The following ZNF285 variants were observed in gnomAD, a reference collection of about 807,000 sequenced individuals.
ZNF285 encodes the protein zinc finger protein 285.
A neutral mutation model predicts 6.2 loss-of-function variants in ZNF285; 4 were observed. The ratio of observed to expected loss-of-function variants is 0.65; its 90% CI spans 0.32 to 1.49. ZNF285 has a LOEUF of 1.49. ZNF285 is among the 40% of genes most tolerant of loss of function. The pLI is 0.07. For missense variants in ZNF285, 695 were observed against 708.8 expected, an observed-to-expected ratio of 0.98 and a Z score of 0.22; for synonymous variants, 240 against 245.8, an observed-to-expected ratio of 0.98 and a Z score of 0.22.
chr19:44,384,998 T>A lies in ZNF285; in HGVS notation c.*1474A>T. The A allele has an allele frequency of 1.3e-5, 1 of 79,104 alleles. No individual in the cohort carries two copies. Among genetic ancestry groups the A allele is most frequent in the South Asian group, 4.0e-4 (1 of 2,492 alleles). The allele number at this position is 79,104 out of a possible 1,614,324, so 4.9% of individuals were successfully genotyped here. A position where few individuals can be genotyped will look rare whatever the true frequency, so the allele number is the denominator to read the frequency against. Reference sequence around the variant, plus strand: ...CTGGGTGACACAGCAAGACCCTGTTTCCAAAAAAAAAAAAAAAAAAAAAAA... The same window carrying A: ...CTGGGTGACACAGCAAGACCCTGTTACCAAAAAAAAAAAAAAAAAAAAAAA... On this transcript the variant is annotated 3_prime_UTR_variant, in exon 4 of 4. Transcript: ENST00000614994.
At chr19:44,396,457 G>A (rs1417612916) in intron 2 of ZNF285, among the ~76,000 whole-genome samples, 1 of 152,180 alleles carries the variant, frequency 6.6e-6, no homozygotes, top group Non-Finnish European at 1.5e-5. Flanking sequence ...GTATTGCTAT[G>A]AAGATAATTT....
chr19:44,401,511 C>T (rs1371775856), intron 1 of ZNF285, 57 bp downstream of exon 1: 1 of 152,522 alleles, frequency 6.6e-6, no homozygotes, highest in East Asian at 1.9e-4. Context: ...GCTGCACATC[C>T]TACACTCCTA....
At chr19:44,396,593 G>A (rs1158737080) in intron 2 of ZNF285, 1 of 152,558 alleles carries the variant, frequency 6.6e-6, no homozygotes, top group African/African-American at 2.4e-5. Flanking sequence ...GGGAGGGGGA[G>A]AAATTCCACC....
In ZNF285 at chr19:44,399,288, G is replaced by T. The variant is rs531356200; in HGVS notation, c.-43-2032C>A. Reference sequence around the variant, plus strand: ...GCTCCAACAAAGGCCAAAATAAGGAGGGTTCAACTCATTAGTACAGCATGA... The same window carrying T: ...GCTCCAACAAAGGCCAAAATAAGGATGGTTCAACTCATTAGTACAGCATGA... On this transcript the variant is annotated intron_variant, in intron 1 of 3. Coordinates refer to ENST00000614994, the MANE Select transcript of ZNF285 (RefSeq NM_152354.6). Among the ~76,000 whole-genome samples the T allele has an allele frequency of 1.3e-3, 184 of 144,776 alleles. 1 individual carries two copies. Among genetic ancestry groups the T allele is most frequent in the African/African-American group, 5.0e-3 (182 of 36,150 alleles). The allele number at this position is 144,776 out of a possible 152,430, so 95.0% of individuals were successfully genotyped here. A position where few individuals can be genotyped will look rare whatever the true frequency, so the allele number is the denominator to read the frequency against.
chr19:44,389,053 A>G (rs60170459), intron 3 of ZNF285, among the ~76,000 whole-genome samples: 22,145 of 120,158 alleles, frequency 0.18, 2,296 homozygotes, highest in African/African-American at 0.45. Flanking sequence ...TATTTTCCCC[A>G]AGGTTCTTTG....
chr19:44,392,547 C>A (rs770587710), intron 2 of ZNF285, 81 bp from the exon 3 acceptor site: 3 of 1,612,166 alleles, frequency 1.9e-6, no homozygotes, highest in South Asian at 1.1e-5. Flanking sequence ...TAATAAAACA[C>A]CACAGTCTGA....
At chr19:44,388,538 T>C (rs2437023) in intron 3 of ZNF285, among the ~76,000 whole-genome samples, 37,541 of 151,698 alleles carry the variant, frequency 0.25, 9,460 homozygotes, top group African/African-American at 0.64. Flanking sequence ...TGCCACTGCA[T>C]TCCAGCCTGG....
chr19:44,399,388 C>T (rs1318492813), intron 1 of ZNF285, among the ~76,000 whole-genome samples: 2 of 128,140 alleles, frequency 1.6e-5, no homozygotes, highest in African/African-American at 3.9e-5. Flanking sequence ...ACTACAAATC[C>T]TAAAAAAAAA....
intron 2 of ZNF285, 80 bp downstream of exon 2, chr19:44,397,119 T>A: frequency 6.2e-7 from 1 of 1,604,394 alleles, no homozygotes; most frequent in South Asian, 1.1e-5. Context: ...CAAAAAATGC[T>A]GACCTCCTTT....
intron 2 of ZNF285, among the ~76,000 whole-genome samples, chr19:44,396,392 T>C (rs1971280908): frequency 6.6e-6 from 1 of 152,194 alleles, no homozygotes. Context: ...GTCTTTCTAA[T>C]GTGTCAACTT....
At chr19:44,395,392 A>G (rs988394649) in intron 2 of ZNF285, among the ~76,000 whole-genome samples, 10 of 152,138 alleles carry the variant, frequency 6.6e-5, no homozygotes, top group Non-Finnish European at 1.3e-4. Context: ...TTCTGCAACA[A>G]GTCAATAGCA....
intron 1 of ZNF285, 154 bp from the exon 2 acceptor site, chr19:44,397,410 G>A (rs1462334770): frequency 1.2e-6 from 1 of 827,160 alleles, no homozygotes; most frequent in Non-Finnish European, 1.9e-6. Context: ...ACCTCCTCAA[G>A]ACTTCCCTAG....
chr19:44,400,861 G>T (rs769214885), intron 1 of ZNF285, among the ~76,000 whole-genome samples: 7 of 152,136 alleles, frequency 4.6e-5, no homozygotes, highest in Non-Finnish European at 7.3e-5. Context: ...GATTACAGGC[G>T]TGAGGCACCG....
At chr19:44,388,643 T>C (rs1427828247) in intron 3 of ZNF285, among the ~76,000 whole-genome samples, 1 of 151,548 alleles carries the variant, frequency 6.6e-6, no homozygotes, top group Non-Finnish European at 1.5e-5. Flanking sequence ...ACCTCCCTGC[T>C]ATAAGAGTAG....
chr19:44,400,492 G>A (rs1488847535), intron 1 of ZNF285, among the ~76,000 whole-genome samples: 1 of 152,142 alleles, frequency 6.6e-6, no homozygotes, highest in African/African-American at 2.4e-5. Flanking sequence ...ATTTGCTAAT[G>A]TGCTTTATAA....
At chr19:44,390,115 G>A (rs536344014) in intron 3 of ZNF285, among the ~76,000 whole-genome samples, 2 of 152,264 alleles carry the variant, frequency 1.3e-5, no homozygotes, top group East Asian at 3.9e-4. Flanking sequence ...CCCACACAGA[G>A]TCCCTACTAG....
chr19:44,393,677 C>T (rs1206843693), intron 2 of ZNF285, among the ~76,000 whole-genome samples: 1 of 152,066 alleles, frequency 6.6e-6, no homozygotes, highest in East Asian at 1.9e-4. Flanking sequence ...CATCACTGGC[C>T]ATCAGAGAAA....
rs376998314 is a variant in ZNF285, at chr19:44,396,975, T to C, written c.15+224A>G. On this transcript the variant is annotated intron_variant, in intron 2 of 3. Coordinates refer to ENST00000614994, the MANE Select transcript of ZNF285 (RefSeq NM_152354.6). ...CATGGACTGGTACTGATACATGAACTACACTTAGAGTAGCACCAAAGTAGA... is the reference window on the plus strand; with the variant it reads ...CATGGACTGGTACTGATACATGAACCACACTTAGAGTAGCACCAAAGTAGA... 4 of 597,902 alleles carry C rather than the reference T, an allele frequency of 6.7e-6. No homozygotes were observed. In the African/African-American group the frequency reaches 7.5e-5, roughly 11 times the overall value. 37.0% of individuals were successfully genotyped at this position (597,902 alleles called of 1,614,324 possible).
chr19:44,387,740 T>G lies in ZNF285; in HGVS notation c.505A>C (p.Ile169Leu). Residue 169 changes from isoleucine (I) to leucine (L), a missense_variant, in exon 4 of 4, where the codon ATT (isoleucine) becomes CTT (leucine). Ile to Leu is a conservative substitution (Grantham distance 5, BLOSUM62 2). Transcript: ENST00000614994. ...PQNSQGRYKG[I>L]YMEEKLYRRA... ...CTGTACAATTTCTCTTCCATGTAAATTCCCTTATATCTTCCCTGAGAGTTC... is the reference window on the plus strand; with the variant it reads ...CTGTACAATTTCTCTTCCATGTAAAGTCCCTTATATCTTCCCTGAGAGTTC... The G allele has an allele frequency of 6.2e-7, 1 of 1,613,902 alleles. No individual in the cohort carries two copies. The highest frequency in any genetic ancestry group is 2.2e-5 in the East Asian group (1 of 44,874).
Sources: allele counts gnomAD v4.1 joint callset (sites outside exome capture counted in the v4.1 genomes callset), GRCh38; gene constraint gnomAD v4.1.1; transcripts MANE v1.5; gene names NCBI Gene and HGNC (gene_info 2026-07-23, HGNC 2026-07-21).